Variants in SMARCC1 observed in about 807,000 individuals in gnomAD.
SMARCC1 encodes the protein SWI/SNF complex subunit SMARCC1.
Under a neutral mutation model 147.4 loss-of-function variants are expected in SMARCC1, and 43 were observed. That is an observed-to-expected ratio of 0.29 (90% CI 0.23 to 0.38). The LOEUF is 0.38. Among genes scored for constraint, SMARCC1 ranks in the 10% least tolerant of loss-of-function variants. The probability of loss-of-function intolerance (pLI) is 1.00; values close to 1 mark genes in which losing one functional copy is unlikely to be tolerated. For synonymous variants in SMARCC1, 495 were observed against 484.4 expected, an observed-to-expected ratio of 1.02 and a Z score of -0.29; for missense variants, 1,119 against 1,381.1, an observed-to-expected ratio of 0.81 and a Z score of 3.01.
At chr3:47,697,302 C>CT (rs763264887) in intron 11 of SMARCC1, among the ~76,000 whole-genome samples, 421 of 134,412 alleles carry the variant, frequency 3.1e-3, no homozygotes, top group Admixed American at 4.1e-3. Flanking sequence ...GAGATCCTGA[C>CT]TTTTTTTTTT....
At chr3:47,734,725 C>T (rs923837739) in intron 5 of SMARCC1, among the ~76,000 whole-genome samples, 1 of 152,196 alleles carries the variant, frequency 6.6e-6, no homozygotes, top group Non-Finnish European at 1.5e-5. Flanking sequence ...TGTCAGAACA[C>T]AGTACTAGTA....
At position 47,589,423 on chromosome 3, in the gene SMARCC1, A is replaced by C. The variant is rs531600780; in HGVS notation, c.3221-1117T>G. Among the ~76,000 whole-genome samples the C allele has an allele frequency of 3.9e-5, 6 of 152,128 alleles. No individual in the cohort carries two copies. The South Asian group carries it at 1.2e-3, about 32-fold the overall frequency. ...AGTGGTAAATTGGTAAAGACCAGTG[A>C]TACTACCTCTGCAATAGGGATGGAA... On this transcript the variant is annotated intron_variant, in intron 27 of 27. Transcript: ENST00000254480.
At chr3:47,660,772 T>A (rs1372951298) in intron 21 of SMARCC1, among the ~76,000 whole-genome samples, 1 of 152,150 alleles carries the variant, frequency 6.6e-6, no homozygotes, top group Non-Finnish European at 1.5e-5. Context: ...GACTTCCTAT[T>A]GGGATGAGGA....
intron 26 of SMARCC1, among the ~76,000 whole-genome samples, chr3:47,606,121 T>C (rs2032470015): frequency 6.6e-6 from 1 of 152,174 alleles, no homozygotes; most frequent in Non-Finnish European, 1.5e-5. Flanking sequence ...CCTCTCATCA[T>C]GCACTGCACT....
chr3:47,723,394 T>C (rs778289515), intron 6 of SMARCC1, among the ~76,000 whole-genome samples: 1 of 128,954 alleles, frequency 7.8e-6, no homozygotes, highest in African/African-American at 2.9e-5. Context: ...AGAGTCTCAC[T>C]CTGTTGCCCA....
Position 47,590,736 on chromosome 3 carries a change from T to A in SMARCC1, c.3145A>T (p.Thr1049Ser). Residue 1049 changes from threonine to serine, a missense_variant, in exon 27 of 28, where the codon ACC becomes TCC. Thr to Ser is a moderately conservative substitution (Grantham distance 58). Transcript: ENST00000254480. ...GGCATTGGTGGCATGCCAGGAGGGG[T>A]AGGGCCACTCCCAGAGGGGTGGATG... The part of the protein sequence containing the change: ...ANIHPSGSGP[T>S]PPGMPPMPGN... 6.3e-7 allele frequency: 1 copy of A among 1,598,140 alleles called. No homozygotes were observed.
intron 14 of SMARCC1, among the ~76,000 whole-genome samples, chr3:47,684,290 C>T (rs1017617516): frequency 6.6e-6 from 1 of 151,216 alleles, no homozygotes; most frequent in Non-Finnish European, 1.5e-5. Flanking sequence ...CAACTATGCT[C>T]GAAGCATGCC....
chr3:47,595,522 C>T (rs1035149056), intron 26 of SMARCC1, among the ~76,000 whole-genome samples: 1 of 134,476 alleles, frequency 7.4e-6, no homozygotes, highest in East Asian at 2.3e-4. Context: ...AGTGAAATTC[C>T]GTCTCAAAAT....
intron 9 of SMARCC1, among the ~76,000 whole-genome samples, chr3:47,709,603 T>C (rs751303376): frequency 2.9e-4 from 44 of 151,918 alleles, no homozygotes; most frequent in Non-Finnish European, 1.0e-4. Context: ...GGAGGATAGC[T>C]TGAACCCAGC....
chr3:47,755,170 C>T (rs957513112), intron 2 of SMARCC1, among the ~76,000 whole-genome samples: 7 of 152,048 alleles, frequency 4.6e-5, no homozygotes, highest in Admixed American at 1.3e-4. Flanking sequence ...AAGATCGCAC[C>T]ACTGCACTTC....
At chr3:47,595,656 C>T (rs751940670) in intron 26 of SMARCC1, among the ~76,000 whole-genome samples, 2 of 152,024 alleles carry the variant, frequency 1.3e-5, no homozygotes, top group Non-Finnish European at 2.9e-5. Flanking sequence ...TATGCAGCAT[C>T]TATATAAATA....
intron 21 of SMARCC1, among the ~76,000 whole-genome samples, chr3:47,659,851 A>T: frequency 6.6e-6 from 1 of 151,682 alleles, no homozygotes; most frequent in African/African-American, 2.4e-5. Flanking sequence ...ATTAGTCATC[A>T]ATGCAAATAC....
At chr3:47,732,875 C>T (rs1269192995) in intron 5 of SMARCC1, among the ~76,000 whole-genome samples, 4 of 151,686 alleles carry the variant, frequency 2.6e-5, no homozygotes, top group Non-Finnish European at 2.9e-5. Context: ...TTTGGGAGGC[C>T]GAGGGGGGTG....
At chr3:47,658,267 C>G (rs942786626) in intron 21 of SMARCC1, among the ~76,000 whole-genome samples, 15 of 152,194 alleles carry the variant, frequency 9.9e-5, no homozygotes, top group African/African-American at 3.6e-4. Flanking sequence ...CTATAGAATT[C>G]ACCCATTTAT....
chr3:47,611,042 C>T (rs1386245168), intron 25 of SMARCC1, among the ~76,000 whole-genome samples: 1 of 152,136 alleles, frequency 6.6e-6, no homozygotes, highest in Admixed American at 6.5e-5. Context: ...ATCTTTCTGG[C>T]ACCCAAATGA....
intron 18 of SMARCC1, among the ~76,000 whole-genome samples, chr3:47,671,197 A>AAAAAAAAAAAAAACAC (rs1157129603): frequency 3.2e-5 from 2 of 62,372 alleles, no homozygotes; most frequent in South Asian, 4.5e-4. Flanking sequence ...AAAAAAAAAA[A>AAAAAAAAAAAAAACAC]ACACACACAA....
chr3:47,750,938 C>T (rs1160010793), intron 2 of SMARCC1, among the ~76,000 whole-genome samples: 3 of 151,336 alleles, frequency 2.0e-5, no homozygotes, highest in Non-Finnish European at 4.4e-5. Context: ...ACTCTTGTCA[C>T]CCAGGCTGGA....
intron 17 of SMARCC1, among the ~76,000 whole-genome samples, chr3:47,675,902 G>A (rs2033565462): frequency 6.6e-6 from 1 of 150,982 alleles, no homozygotes; most frequent in African/African-American, 2.4e-5. Flanking sequence ...CCAAGATCAT[G>A]CCACTGCACT....
intron 7 of SMARCC1, among the ~76,000 whole-genome samples, chr3:47,717,721 C>G (rs146949282): frequency 1.1e-4 from 16 of 152,134 alleles, no homozygotes; most frequent in African/African-American, 3.9e-4. Flanking sequence ...CACGTGTCAT[C>G]ATGACTGGCT....
Sources: gnomAD v4.1 joint callset for allele counts (sites outside exome capture counted in the v4.1 genomes callset) on GRCh38, gnomAD v4.1.1 for gene constraint, MANE v1.5 for transcripts, NCBI Gene and HGNC (gene_info 2026-07-23, HGNC 2026-07-21) for gene names.